The following TMEM108 variants were observed in gnomAD, a reference collection of about 807,000 sequenced individuals.
TMEM108 encodes transmembrane protein 108.
TMEM108 carries 12 observed loss-of-function variants against 35.1 expected under a neutral mutation model. That is an observed-to-expected ratio of 0.34 (90% CI 0.22 to 0.55). TMEM108 has a LOEUF of 0.55. Among genes scored for constraint, TMEM108 ranks in the 20% least tolerant of loss-of-function variants. TMEM108 has a pLI of 0.89. For missense variants in TMEM108, 680 were observed against 753.3 expected (o/e 0.90, Z 1.14); for synonymous variants, 287 against 308.6 (o/e 0.93, Z 0.73).
chr3:133,099,829 G>GC (rs1244039388), intron 2 of TMEM108, among the ~76,000 whole-genome samples: 5 of 152,158 alleles, frequency 3.3e-5, no homozygotes, highest in African/African-American at 1.2e-4. Flanking sequence ...TTTTGTCAAA[G>GC]CCATTCAACA....
intron 2 of TMEM108, among the ~76,000 whole-genome samples, chr3:133,095,446 G>A (rs554298388): frequency 1.3e-5 from 2 of 152,268 alleles, no homozygotes; most frequent in African/African-American, 4.8e-5. Flanking sequence ...ATGGTTTCAC[G>A]ATGATTCAAG....
chr3:133,295,509 T>C (rs1452317323), intron 3 of TMEM108, among the ~76,000 whole-genome samples: 4 of 152,250 alleles, frequency 2.6e-5, no homozygotes, highest in Non-Finnish European at 5.9e-5. Context: ...TTGTGAACTA[T>C]AAAGCCCCTT....
rs2073320188 is a variant in TMEM108 at position 133,397,358 on chromosome 3, T to C, written c.*1372T>C. 6.6e-6 allele frequency: 1 copy of C among 151,676 alleles called. No individual in the cohort carries two copies. Among genetic ancestry groups the C allele is most frequent in the South Asian group, 2.1e-4 (1 of 4,828 alleles). The allele number at this position is 151,676 out of a possible 1,614,324, so 9.4% of individuals were successfully genotyped here. On this transcript the variant is annotated 3_prime_UTR_variant, in exon 6 of 6. Coordinates refer to ENST00000321871, the MANE Select transcript of TMEM108 (RefSeq NM_023943.4). ...ATATGTTTGTGTTGTTGCTGTAGTC[T>C]ATCATGACTTTTTTCTTTCTGCATT...
At chr3:133,353,628 A>AT (rs1449188034) in intron 3 of TMEM108, among the ~76,000 whole-genome samples, 2 of 152,192 alleles carry the variant, frequency 1.3e-5, no homozygotes, top group African/African-American at 4.8e-5. Flanking sequence ...TCTCAACTCT[A>AT]TATCACCTGT....
chr3:133,066,745 A>G (rs930070574), intron 2 of TMEM108, among the ~76,000 whole-genome samples: 2 of 152,210 alleles, frequency 1.3e-5, no homozygotes, highest in African/African-American at 4.8e-5. Context: ...TGCCTAGCTT[A>G]AAAATAAAAC....
chr3:133,055,173 C>T (rs894315770), intron 2 of TMEM108, among the ~76,000 whole-genome samples: 2 of 152,150 alleles, frequency 1.3e-5, no homozygotes, highest in Non-Finnish European at 2.9e-5. Context: ...TCTAATTGGT[C>T]TTAACATATA....
intron 2 of TMEM108, among the ~76,000 whole-genome samples, chr3:133,139,070 T>C (rs965262249): frequency 1.3e-5 from 2 of 152,208 alleles, no homozygotes; most frequent in Non-Finnish European, 2.9e-5. Flanking sequence ...TCCAGCTTCA[T>C]GTCCCTGCAA....
At chr3:133,269,130 C>T (rs569325622) in intron 3 of TMEM108, among the ~76,000 whole-genome samples, 1 of 152,328 alleles carries the variant, frequency 6.6e-6, no homozygotes, top group Admixed American at 6.5e-5. Flanking sequence ...TTTCCCCCTC[C>T]ATTCTTCCAC....
intron 3 of TMEM108, among the ~76,000 whole-genome samples, chr3:133,299,480 T>C (rs1351727167): frequency 6.6e-6 from 1 of 152,126 alleles, no homozygotes; most frequent in Non-Finnish European, 1.5e-5. Context: ...CGTGTTTGCA[T>C]GGCAAGCATA....
rs74843682 is a variant in TMEM108, at chr3:133,352,941, C to T, written c.41-26811C>T. Among the ~76,000 whole-genome samples the T allele has an allele frequency of 7.2e-3, 1,097 of 152,292 alleles. 15 individuals carry two copies. The highest frequency in any genetic ancestry group is 0.024 in the African/African-American group (1,016 of 41,552). ...GGTTCCGGCTGAAAGTTCCAGCCCT[C>T]TAATCACTTGGTTGGTTCCCCTGGC... On this transcript the variant is annotated intron_variant, in intron 3 of 5. Coordinates refer to ENST00000321871, the MANE Select transcript of TMEM108 (RefSeq NM_023943.4).
At position 133,251,143 on chromosome 3, in the gene TMEM108, T is replaced by C. The variant is rs73217538; in HGVS notation, c.40+21792T>C. 8.3e-3 allele frequency among the ~76,000 whole-genome samples: 1,265 copies of C among 152,332 alleles called. 10 individuals are homozygous for C. Among genetic ancestry groups the C allele is most frequent in the Middle Eastern group, 0.024 (7 of 294 alleles). On this transcript the variant is annotated intron_variant, in intron 3 of 5. Transcript: ENST00000321871. The stretch of plus-strand genomic sequence containing the variant: ...CCAAAGGGACATGGAATGAGATTGA[T>C]AGACAAAGATAAGCATTAGTTTCAT...
At chr3:133,186,788 A>AT (rs1043432501) in intron 2 of TMEM108, among the ~76,000 whole-genome samples, 61 of 152,314 alleles carry the variant, frequency 4.0e-4, no homozygotes, top group African/African-American at 1.5e-3. Context: ...AGGATATGAT[A>AT]TTTTAAATAT....
intron 3 of TMEM108, among the ~76,000 whole-genome samples, chr3:133,266,110 G>A (rs1946693437): frequency 6.6e-6 from 1 of 151,948 alleles, no homozygotes; most frequent in South Asian, 2.1e-4. Flanking sequence ...TAGTTCACTT[G>A]CAGTAGTTTC....
chr3:133,093,307 A>G (rs1452566960), intron 2 of TMEM108, among the ~76,000 whole-genome samples: 1 of 152,160 alleles, frequency 6.6e-6, no homozygotes, highest in Non-Finnish European at 1.5e-5. Flanking sequence ...AAGGATTTGA[A>G]AAGTTAGAAC....
At chr3:133,350,060 G>C (rs2071944147) in intron 3 of TMEM108, among the ~76,000 whole-genome samples, 1 of 152,022 alleles carries the variant, frequency 6.6e-6, no homozygotes, top group African/African-American at 2.4e-5. Context: ...AAGACAATGT[G>C]GTATATGTAC....
At chr3:133,053,521 A>G (rs985555383) in intron 2 of TMEM108, among the ~76,000 whole-genome samples, 5 of 152,256 alleles carry the variant, frequency 3.3e-5, no homozygotes, top group Admixed American at 6.5e-5. Context: ...TACATAGCCT[A>G]TTTTGATTAC....
intron 3 of TMEM108, among the ~76,000 whole-genome samples, chr3:133,379,073 T>C (rs2072926099): frequency 6.6e-6 from 1 of 152,216 alleles, no homozygotes; most frequent in South Asian, 2.1e-4. Flanking sequence ...CATCTTTGTC[T>C]TATTTTAGGA....
At chr3:133,196,562 T>A (rs149497877) in intron 2 of TMEM108, among the ~76,000 whole-genome samples, 8 of 152,204 alleles carry the variant, frequency 5.3e-5, no homozygotes, top group Non-Finnish European at 1.2e-4. Flanking sequence ...CTTCTGGGAG[T>A]CTAGTCAAAG....
At chr3:133,293,221 C>A (rs1342893789) in intron 3 of TMEM108, among the ~76,000 whole-genome samples, 2 of 151,962 alleles carry the variant, frequency 1.3e-5, no homozygotes, top group Non-Finnish European at 2.9e-5. Context: ...CTCCAACTTT[C>A]TTCAACACTG....
Sources: gnomAD v4.1 joint callset for allele counts (sites outside exome capture counted in the v4.1 genomes callset) on GRCh38, gnomAD v4.1.1 for gene constraint, MANE v1.5 for transcripts, NCBI Gene and HGNC (gene_info 2026-07-23, HGNC 2026-07-21) for gene names.